The following DPP6 variants were observed in gnomAD, a reference collection of about 807,000 sequenced individuals.
DPP6 encodes dipeptidyl peptidase like 6.
In DPP6, 69 loss-of-function variants were observed where a neutral mutation model predicts 122.6. That is an observed-to-expected ratio of 0.56 (90% CI 0.46 to 0.69). The LOEUF (loss-of-function observed/expected upper bound fraction) is 0.69, where lower values mean the gene tolerates loss of function less well. Ranked by LOEUF, DPP6 falls within the 30% of genes least tolerant of loss-of-function variation. DPP6 has a pLI of 0.00. For missense variants in DPP6, 928 were observed against 1,116.9 expected, an observed-to-expected ratio of 0.83 and a Z score of 2.41; for synonymous variants, 418 against 433.1, an observed-to-expected ratio of 0.97 and a Z score of 0.43.
chr7:154,802,236 A>G (rs1798413326), intron 13 of DPP6, among the ~76,000 whole-genome samples: 1 of 152,200 alleles, frequency 6.6e-6, no homozygotes, highest in Admixed American at 6.5e-5. Flanking sequence ...AATCACAAAT[A>G]TTCTATGGCT....
intron 1 of DPP6, among the ~76,000 whole-genome samples, chr7:153,967,610 C>T (rs1318335220): frequency 6.6e-6 from 1 of 152,096 alleles, no homozygotes; most frequent in Non-Finnish European, 1.5e-5. Context: ...TCAGCTGTTA[C>T]AAAGCTCGTG....
chr7:153,941,231 T>C (rs891486124), intron 1 of DPP6, among the ~76,000 whole-genome samples: 1 of 152,192 alleles, frequency 6.6e-6, no homozygotes, highest in Non-Finnish European at 1.5e-5. Flanking sequence ...GTGTTGTCAT[T>C]GTAAACCAGC....
In DPP6 at chr7:153,996,220, T is replaced by G. The variant is rs1226935539; in HGVS notation, c.51+108486T>G. Among the ~76,000 whole-genome samples the G allele has an allele frequency of 5.3e-5, 8 of 152,184 alleles. No homozygotes were observed. The East Asian group carries it at 1.3e-3, about 26-fold the overall frequency. On this transcript the variant is annotated intron_variant, in intron 1 of 25. Transcript: ENST00000404039. ...ACTAATGTCCTTTGAGAAGTACAAA[T>G]GTCTATTTTTATTTCACGTAGTATT...
chr7:154,290,363 C>T (rs376052550), intron 1 of DPP6, among the ~76,000 whole-genome samples: 5 of 152,074 alleles, frequency 3.3e-5, no homozygotes, highest in African/African-American at 1.2e-4. Flanking sequence ...GTATCTCGGC[C>T]CCAGTCCATC....
chr7:154,580,105 C>A (rs572086425), intron 5 of DPP6, among the ~76,000 whole-genome samples: 2 of 151,650 alleles, frequency 1.3e-5, no homozygotes, highest in African/African-American at 4.8e-5. Context: ...AGTAAGACTC[C>A]AAAATCAAGT....
chr7:153,755,440 A>G, the DPP6 span, among the ~76,000 whole-genome samples: 1 of 144,282 alleles, frequency 6.9e-6, no homozygotes. Flanking sequence ...ACATTTTCCA[A>G]AACTCACATT....
chr7:153,910,534 C>G (rs1031264162), intron 1 of DPP6, among the ~76,000 whole-genome samples: 3 of 152,088 alleles, frequency 2.0e-5, no homozygotes, highest in Non-Finnish European at 4.4e-5. Flanking sequence ...CCTCATTCAT[C>G]TACATAGCTT....
At chr7:154,430,039 G>A (rs1039361477) in intron 1 of DPP6, among the ~76,000 whole-genome samples, 1 of 152,066 alleles carries the variant, frequency 6.6e-6, no homozygotes, top group Non-Finnish European at 1.5e-5. Flanking sequence ...CACCCTCCCA[G>A]TTCTCAGCCT....
intron 1 of DPP6, among the ~76,000 whole-genome samples, chr7:154,349,763 A>G (rs570470295): frequency 3.1e-4 from 47 of 152,330 alleles, no homozygotes; most frequent in African/African-American, 1.0e-3. Context: ...TGGCTTTAAT[A>G]CTTCTGAAGA....
chr7:154,547,245 C>T (rs1172565028), intron 4 of DPP6, among the ~76,000 whole-genome samples: 1 of 152,220 alleles, frequency 6.6e-6, no homozygotes, highest in Non-Finnish European at 1.5e-5. Flanking sequence ...GGCTGGATTT[C>T]ACTTAGCATG....
chr7:154,344,572 C>G (rs571043291), intron 1 of DPP6, among the ~76,000 whole-genome samples: 1 of 152,254 alleles, frequency 6.6e-6, no homozygotes, highest in Admixed American at 6.5e-5. Flanking sequence ...CTGCTACCAG[C>G]TGTACCAGCC....
chr7:154,612,725 T>C (rs1282853620), intron 5 of DPP6, among the ~76,000 whole-genome samples: 1 of 152,246 alleles, frequency 6.6e-6, no homozygotes. Context: ...ACAGTCACTG[T>C]TTCCCAGAAA....
At chr7:154,230,124 C>T (rs1469141232) in intron 1 of DPP6, among the ~76,000 whole-genome samples, 1 of 151,996 alleles carries the variant, frequency 6.6e-6, no homozygotes, top group Non-Finnish European at 1.5e-5. Flanking sequence ...CTTCTCTGCA[C>T]CCTCCTCCGC....
At chr7:154,097,556 T>A (rs1805417515) in intron 1 of DPP6, among the ~76,000 whole-genome samples, 4 of 152,262 alleles carry the variant, frequency 2.6e-5, no homozygotes, top group Admixed American at 2.6e-4. Context: ...ATTACATATT[T>A]AAAATACAGG....
chr7:154,641,236 T>A lies in DPP6; in HGVS notation c.680+3363T>A, dbSNP rs561940134. ...CCAAGACAGCTGAATTTTGATATAA[T>A]CAAAAATCTATTACCTAAGGGTAGG... On this transcript the variant is annotated intron_variant, in intron 6 of 25. Transcript: ENST00000377770. Among the ~76,000 whole-genome samples, 5 of 152,276 alleles carry A rather than the reference T, an allele frequency of 3.3e-5. No homozygotes were observed. In the South Asian group the frequency reaches 1.0e-3, roughly 32 times the overall value.
intron 1 of DPP6, among the ~76,000 whole-genome samples, chr7:154,097,491 G>A (rs868437308): frequency 3.9e-5 from 6 of 152,246 alleles, no homozygotes; most frequent in African/African-American, 7.2e-5. Context: ...ACTTGAGAAC[G>A]TAAAACAGAT....
the DPP6 span, among the ~76,000 whole-genome samples, chr7:153,756,161 C>A: frequency 1.3e-5 from 2 of 151,836 alleles, no homozygotes; most frequent in African/African-American, 2.4e-5. Context: ...GATCCCTACA[C>A]CTCCCTGTTC....
At chr7:154,142,726 C>A (rs1585473734) in intron 1 of DPP6, among the ~76,000 whole-genome samples, 1 of 150,862 alleles carries the variant, frequency 6.6e-6, no homozygotes, top group South Asian at 2.1e-4. Flanking sequence ...TTAATATGAC[C>A]TTATCATTGT....
the DPP6 span, among the ~76,000 whole-genome samples, chr7:153,786,963 G>GT: frequency 1.4e-5 from 2 of 144,798 alleles, no homozygotes; most frequent in African/African-American, 5.1e-5. Context: ...TTTTGTTTTT[G>GT]TTTTTTAATA....
Sources: gnomAD v4.1 joint callset for allele counts (sites outside exome capture counted in the v4.1 genomes callset) on GRCh38, gnomAD v4.1.1 for gene constraint, MANE v1.5 for transcripts, NCBI Gene and HGNC (gene_info 2026-07-23, HGNC 2026-07-21) for gene names.